Variants in PP2D1 observed in about 807,000 individuals in gnomAD.
PP2D1 encodes the protein protein phosphatase 2C-like domain-containing protein 1.
In PP2D1, 25 loss-of-function variants were observed where a neutral mutation model predicts 30.2. The observed-to-expected ratio is 0.83, with a 90% confidence interval of 0.60 to 1.16. The LOEUF is 1.16. Ranked by LOEUF, PP2D1 falls within the 50% of genes most tolerant of loss-of-function variation. The probability of loss-of-function intolerance (pLI) is 0.00; values close to 1 mark genes in which losing one functional copy is unlikely to be tolerated. For missense variants in PP2D1, 760 were observed against 742.4 expected, an observed-to-expected ratio of 1.02 and a Z score of -0.28; for synonymous variants, 260 against 258.9, an observed-to-expected ratio of 1.00 and a Z score of -0.04.
rs1697255444 is a variant in PP2D1, at chr3:20,001,676, C to T, written c.444G>A (p.Lys148=). 4 of 1,535,584 alleles carry T rather than the reference C, an allele frequency of 2.6e-6. No homozygotes were observed. Among genetic ancestry groups the T allele is most frequent in the South Asian group, 1.2e-5 (1 of 84,000 alleles). ...CACTCCTGTCAATGTTATCAAAAATCTTATAGTATGCTGGTATTTGTTTTT... is the reference window on the plus strand; with the variant it reads ...CACTCCTGTCAATGTTATCAAAAATTTTATAGTATGCTGGTATTTGTTTTT... ...LWKKQIPAYY[K]IFDNIDRSVI... The change falls in exon 2 of 3, where the codon AAG becomes AAA. Residue 148 remains lysine (K), a synonymous_variant. Transcript: ENST00000389050.
downstream of PP2D1, among the ~76,000 whole-genome samples, chr3:19,981,061 A>G (rs1312387037): frequency 6.6e-6 from 1 of 152,212 alleles, no homozygotes; most frequent in African/African-American, 2.4e-5. Context: ...GTCTGTCCCC[A>G]AGATTGATAG....
At chr3:19,996,518 A>C (rs1697182221) in intron 2 of PP2D1, among the ~76,000 whole-genome samples, 1 of 152,192 alleles carries the variant, frequency 6.6e-6, no homozygotes, top group East Asian at 1.9e-4. Flanking sequence ...AAAAAGAATT[A>C]ACACCAATTC....
chr3:20,012,099 C>T lies in PP2D1; in HGVS notation c.-27G>A, dbSNP rs762782095. On this transcript the variant is annotated 5_prime_UTR_variant, in exon 1 of 3. Transcript: ENST00000389050. ...TTCCTTTGGAATTACCTTTCTTTGC[C>T]CTCCCTTTATCCCCTTCCCCTGGCC... The T allele has an allele frequency of 1.3e-6, 2 of 1,524,340 alleles. No homozygotes were observed. Among genetic ancestry groups the T allele is most frequent in the South Asian group, 2.4e-5 (2 of 82,888 alleles). 94.4% of individuals were successfully genotyped at this position (1,524,340 alleles called of 1,614,324 possible). A position where few individuals can be genotyped will look rare whatever the true frequency, so the allele number is the denominator to read the frequency against.
At chr3:20,004,046 A>G (rs537591967) in intron 1 of PP2D1, among the ~76,000 whole-genome samples, 120 of 152,320 alleles carry the variant, frequency 7.9e-4, no homozygotes, top group African/African-American at 2.8e-3. Context: ...GTAGTGTGCA[A>G]TAATGTGCTA....
intron 1 of PP2D1, among the ~76,000 whole-genome samples, chr3:20,010,667 G>A (rs1054142771): frequency 9.9e-5 from 15 of 152,126 alleles, no homozygotes; most frequent in Admixed American, 7.9e-4. Flanking sequence ...GCCGGGCATG[G>A]TGGTGCGTGA....
chr3:20,007,638 T>C (rs1243357028), intron 1 of PP2D1, among the ~76,000 whole-genome samples: 4 of 151,718 alleles, frequency 2.6e-5, no homozygotes, highest in Non-Finnish European at 5.9e-5. Flanking sequence ...CGTGGTGGCG[T>C]ATGCCTGTAA....
rs369850660 is a variant in PP2D1, at chr3:19,980,256, C to A, written c.*63-82G>T. ...AAACCTTTCTCACAATATTTAAACT[C>A]TACCAGATGGGCTTTAGTTTGTACC... On this transcript the variant is annotated intron_variant and NMD_transcript_variant, in intron 3 of 3. Coordinates refer to the PP2D1 transcript ENST00000333083. The A allele has an allele frequency of 5.9e-5, 9 of 152,190 alleles. No homozygotes were observed. The East Asian group carries it at 9.6e-4, about 16-fold the overall frequency. The allele number at this position is 152,190 out of a possible 1,614,324, so 9.4% of individuals were successfully genotyped here.
chr3:19,982,479 A>G (rs1380160534), downstream of PP2D1, among the ~76,000 whole-genome samples: 2 of 152,158 alleles, frequency 1.3e-5, no homozygotes, highest in East Asian at 3.9e-4. Flanking sequence ...GTTCATTCTC[A>G]AAAATGCAAC....
chr3:20,000,432 C>T (rs34914456), intron 2 of PP2D1, among the ~76,000 whole-genome samples: 21,572 of 152,086 alleles, frequency 0.14, 1,873 homozygotes, highest in Non-Finnish European at 0.21. Flanking sequence ...AAAAGTTTTA[C>T]CTCTGAGCTT....
chr3:19,988,922 G>C (rs965207837), intron 2 of PP2D1, among the ~76,000 whole-genome samples: 4 of 152,030 alleles, frequency 2.6e-5, no homozygotes, highest in Non-Finnish European at 4.4e-5. Flanking sequence ...GGAGGTGGAG[G>C]TTGCAGTAAT....
At chr3:20,006,990 TACAC>T (rs199720604) in intron 1 of PP2D1, among the ~76,000 whole-genome samples, 12 of 143,098 alleles carry the variant, frequency 8.4e-5, no homozygotes, top group Non-Finnish European at 1.1e-4. Flanking sequence ...TATATATGTA[TACAC>T]ACACACACAC....
chr3:19,997,603 G>A (rs1697198300), intron 2 of PP2D1, among the ~76,000 whole-genome samples: 1 of 152,108 alleles, frequency 6.6e-6, no homozygotes, highest in South Asian at 2.1e-4. Flanking sequence ...TAAAGATACA[G>A]GGTCAACTTA....
At chr3:19,993,150 G>A (rs190874171) in intron 2 of PP2D1, among the ~76,000 whole-genome samples, 1 of 152,272 alleles carries the variant, frequency 6.6e-6, no homozygotes, top group East Asian at 1.9e-4. Context: ...AGAAAGCTAG[G>A]ACACTAGAAA....
chr3:20,006,037 G>C (rs1021309963), intron 1 of PP2D1, among the ~76,000 whole-genome samples: 6 of 152,160 alleles, frequency 3.9e-5, no homozygotes, highest in African/African-American at 7.2e-5. Context: ...TTGAGGTCAG[G>C]AGTTTGGGAC....
chr3:19,982,292 G>C (rs548907766), downstream of PP2D1, among the ~76,000 whole-genome samples: 1 of 152,136 alleles, frequency 6.6e-6, no homozygotes, highest in Non-Finnish European at 1.5e-5. Context: ...TCACAACGAA[G>C]TGTTGAGTAT....
chr3:19,999,366 G>A (rs1286733407), intron 2 of PP2D1, among the ~76,000 whole-genome samples: 3 of 148,120 alleles, frequency 2.0e-5, no homozygotes, highest in African/African-American at 7.5e-5. Flanking sequence ...GTCAGCCACC[G>A]CGCCCAGCCA....
chr3:19,986,893 G>A (rs534197276), intron 2 of PP2D1, among the ~76,000 whole-genome samples: 6 of 152,052 alleles, frequency 3.9e-5, no homozygotes, highest in East Asian at 1.9e-4. Context: ...AAAATTAGCC[G>A]GACGTGGTGG....
At chr3:20,003,364 A>G (rs979802341) in intron 1 of PP2D1, among the ~76,000 whole-genome samples, 29 of 151,820 alleles carry the variant, frequency 1.9e-4, no homozygotes, top group African/African-American at 6.5e-4. Context: ...TGTGTAGGCC[A>G]AGGTGTGTAT....
At chr3:19,996,855 T>C (rs1051978219) in intron 2 of PP2D1, 2 of 152,084 alleles carry the variant, frequency 1.3e-5, no homozygotes, top group Admixed American at 6.6e-5. Context: ...ACGTTGTGAT[T>C]ATTGCTAATT....
Sources: allele counts gnomAD v4.1 joint callset (sites outside exome capture counted in the v4.1 genomes callset), GRCh38; gene constraint gnomAD v4.1.1; transcripts MANE v1.5; gene names NCBI Gene and HGNC (gene_info 2026-07-23, HGNC 2026-07-21).